The following CUL4B variants were observed in gnomAD, a reference collection of about 807,000 sequenced individuals.
The protein encoded by CUL4B is cullin-4B.
A neutral mutation model predicts 69.2 loss-of-function variants in CUL4B; 1 was observed. That is an observed-to-expected ratio of 0.01 (90% CI 0.01 to 0.07). CUL4B has a LOEUF of 0.07. CUL4B is among the 10% of genes least tolerant of loss of function. The pLI, the probability that CUL4B is intolerant of heterozygous loss-of-function variation, is 1.00. For missense variants in CUL4B, 328 were observed against 638.8 expected (o/e 0.51, Z 5.24); for synonymous variants, 237 against 223.2 (o/e 1.06, Z -0.55).
chrX:120,527,034 A>T (rs1226007726), intron 19 of CUL4B, among the ~76,000 whole-genome samples, 178 bp from the exon 20 acceptor site: 1 of 112,069 alleles, frequency 8.9e-6, no homozygotes, highest in Admixed American at 9.5e-5. Flanking sequence ...AAACCAGGTT[A>T]AAAAATGTTT....
intron 1 of CUL4B, 133 bp downstream of exon 1, chrX:120,559,945 ACCTCC>A: frequency 8.9e-7 from 1 of 1,121,765 alleles, no homozygotes; most frequent in Non-Finnish European, 1.2e-6. Context: ...CCAAAAAAGG[ACCTCC>A]CCTCCACCTC....
chrX:120,535,710 A>C, intron 16 of CUL4B, 120 bp downstream of exon 16: 2 of 348,949 alleles, frequency 5.7e-6, no homozygotes, highest in Non-Finnish European at 9.9e-6. Flanking sequence ...GTCTCAAAAA[A>C]AAAAAAAAAA....
chrX:120,536,180 C>A (rs1923659793), intron 15 of CUL4B, among the ~76,000 whole-genome samples: 1 of 113,027 alleles, frequency 8.8e-6, no homozygotes, highest in African/African-American at 3.2e-5. Context: ...TTGAAACATT[C>A]ACCTGCAGCA....
Position 120,528,701 on chromosome X carries a change from A to G in CUL4B, c.2592+1401T>C, listed in dbSNP as rs1417728939. ...ATGCCACTGCACTCCAGCCTGGATG[A>G]CAGAGCGAGACTCCATCTCAAAAAA... On this transcript the variant is annotated intron_variant, in intron 19 of 19. Transcript: ENST00000371322. Among the ~76,000 whole-genome samples the G allele has an allele frequency of 5.4e-5, 6 of 111,439 alleles. No individual in the cohort carries two copies. The East Asian group carries it at 1.4e-3, about 26-fold the overall frequency.
chrX:120,562,707 C>G (rs768408727), upstream of CUL4B, among the ~76,000 whole-genome samples: 1 of 111,108 alleles, frequency 9.0e-6, no homozygotes, highest in Non-Finnish European at 1.9e-5. Flanking sequence ...TTCTGGGGAA[C>G]GGAAACAAGG....
At chrX:120,561,091 C>G, upstream of CUL4B, 1 of 1,022,385 alleles carries the variant, frequency 9.8e-7, no homozygotes. Context: ...AAAGATGGCG[C>G]CATTTCCGGT....
rs185869258 is a variant in CUL4B at position 120,544,723 on chromosome X, T to C, written c.921-80A>G. 6 of 844,388 alleles carry C rather than the reference T, an allele frequency of 7.1e-6. No homozygotes were observed. The Admixed American group carries it at 1.4e-4, about 20-fold the overall frequency. 69.6% of individuals were successfully genotyped at this position (844,388 alleles called of 1,213,427 possible). A position where few individuals can be genotyped will look rare whatever the true frequency, so the allele number is the denominator to read the frequency against. ...GGTTTGCTTAACTTCTTACCACATGTTCCCATGCTAATTAGGGCTCCAGGG... is the reference window on the plus strand; with the variant it reads ...GGTTTGCTTAACTTCTTACCACATGCTCCCATGCTAATTAGGGCTCCAGGG... On this transcript the variant is annotated intron_variant, in intron 5 of 19. Coordinates refer to ENST00000371322, the MANE Select transcript of CUL4B (RefSeq NM_001079872.2).
At chrX:120,534,754 G>A (rs1303045421) in intron 16 of CUL4B, among the ~76,000 whole-genome samples, 168 bp from the exon 17 acceptor site, 1 of 111,414 alleles carries the variant, frequency 9.0e-6, no homozygotes, top group Non-Finnish European at 1.9e-5. Flanking sequence ...GTGAGGTTTA[G>A]GTGTGACCCT....
chrX:120,542,985 T>A lies in CUL4B; in HGVS notation c.1305A>T (p.Leu435Phe), dbSNP rs886043694. The A allele has an allele frequency of 2.4e-5, 29 of 1,198,307 alleles. No individual in the cohort carries two copies. Among genetic ancestry groups the A allele is most frequent in the Non-Finnish European group, 3.3e-5 (29 of 885,746 alleles). ...TVEKQLLGEHLTAILQKGLNN... is the reference protein window; with the variant it reads ...TVEKQLLGEHFTAILQKGLNN... The stretch of plus-strand genomic sequence containing the variant: ...AATTACCTTTCTGAAGAATTGCTGT[T>A]AAGTGTTCACCTAGAAGTTGTTTTT... The change falls in exon 9 of 20, where the codon TTA becomes TTT. Residue 435 changes from leucine to phenylalanine, a missense_variant. By Grantham distance (22) the Leu-to-Phe change is conservative. Coordinates refer to ENST00000371322, the MANE Select transcript of CUL4B (RefSeq NM_001079872.2).
Position 120,524,462 on chromosome X carries a change from T to C in CUL4B, c.*2299A>G, listed in dbSNP as rs748591748. The stretch of plus-strand genomic sequence containing the variant: ...GCCCTCCCCCATACTCTTATAGCAT[T>C]ACCACAAAACCATTACAAAATTTTT... On this transcript the variant is annotated 3_prime_UTR_variant, in exon 20 of 20. Transcript: ENST00000371322. 4.5e-5 allele frequency: 5 copies of C among 111,703 alleles called. No individual in the cohort carries two copies. Among genetic ancestry groups the C allele is most frequent in the Non-Finnish European group, 9.4e-5 (5 of 53,089 alleles). The allele number at this position is 111,703 out of a possible 1,213,427, so 9.2% of individuals were successfully genotyped here.
chrX:120,533,543 C>T (rs971543726), intron 17 of CUL4B, among the ~76,000 whole-genome samples: 3 of 111,437 alleles, frequency 2.7e-5, no homozygotes, highest in African/African-American at 9.8e-5. Context: ...TTCCTACCTC[C>T]CAACCTCATC....
intron 1 of CUL4B, 32 bp downstream of exon 1, chrX:120,560,051 A>G (rs763751924): frequency 8.3e-7 from 1 of 1,211,462 alleles, no homozygotes; most frequent in Admixed American, 2.2e-5. Flanking sequence ...TCAAATCCTT[A>G]TTAGGTGATT....
Position 120,531,887 on chromosome X carries a change from G to C in CUL4B, c.2439+535C>G, listed in dbSNP as rs1923342189. Among the ~76,000 whole-genome samples, 3 of 111,159 alleles carry C rather than the reference G, an allele frequency of 2.7e-5. No individual in the cohort carries two copies. The South Asian group carries it at 1.1e-3, about 41-fold the overall frequency. ...TAAGACAGGCTCTCATATGCTGCTG[G>C]ACAGAGTATAAACTGGTCCAGCCTT... On this transcript the variant is annotated intron_variant, in intron 18 of 19. Coordinates refer to ENST00000371322, the MANE Select transcript of CUL4B (RefSeq NM_001079872.2).
chrX:120,534,308 T>C (rs1316324338), intron 17 of CUL4B, among the ~76,000 whole-genome samples, 173 bp downstream of exon 17: 1 of 106,798 alleles, frequency 9.4e-6, no homozygotes, highest in Non-Finnish European at 1.9e-5. Context: ...TGAGCCATGA[T>C]TGTACCACTG....
At chrX:120,544,327 T>C (rs1256622488) in intron 6 of CUL4B, 124 bp from the exon 7 acceptor site, 1 of 798,763 alleles carries the variant, frequency 1.3e-6, no homozygotes, top group African/African-American at 2.1e-5. Context: ...CCTTTTGTAG[T>C]TGAGAAGCAT....
At chrX:120,564,996 G>A (rs1925450194), upstream of CUL4B, among the ~76,000 whole-genome samples, 1 of 112,713 alleles carries the variant, frequency 8.9e-6, no homozygotes, top group African/African-American at 3.2e-5. Context: ...ATAAAGGTAA[G>A]TATATGTGTA....
Position 120,575,038 on chromosome X carries a change from G to C in CUL4B, c.-14+368C>G, listed in dbSNP as rs1042173005. Reference sequence around the variant, plus strand: ...ACTATCTCACTTATGATCTGAATCAGTCACAAATTTTCTTCTGTTCCTGCC... The same window carrying C: ...ACTATCTCACTTATGATCTGAATCACTCACAAATTTTCTTCTGTTCCTGCC... On this transcript the variant is annotated intron_variant, in intron 1 of 2. Transcript: ENST00000486604. Among the ~76,000 whole-genome samples the C allele has an allele frequency of 2.7e-5, 3 of 111,578 alleles. No homozygotes were observed. The South Asian group carries it at 1.1e-3, about 42-fold the overall frequency.
At position 120,526,406 on chromosome X, in the gene CUL4B, C is replaced by A; in HGVS notation, c.*355G>T. On this transcript the variant is annotated 3_prime_UTR_variant, in exon 20 of 20. Transcript: ENST00000371322. ...TAAATGACATTTTAAGCAAATAAAC[C>A]TTTTGCTTCATAATTAATGGTGTGT... 2 of 166,256 alleles carry A rather than the reference C, an allele frequency of 1.2e-5. No homozygotes were observed. Among genetic ancestry groups the A allele is most frequent in the Non-Finnish European group, 2.3e-5 (2 of 87,258 alleles). The allele number at this position is 166,256 out of a possible 1,213,427, so 13.7% of individuals were successfully genotyped here. A position where few individuals can be genotyped will look rare whatever the true frequency, so the allele number is the denominator to read the frequency against.
At chrX:120,555,241 C>G (rs1051924891) in intron 2 of CUL4B, among the ~76,000 whole-genome samples, 16 of 111,757 alleles carry the variant, frequency 1.4e-4, no homozygotes, top group Middle Eastern at 4.6e-3. Context: ...AAATCAAAAG[C>G]TCTGGAAAAA....
Sources: gnomAD v4.1 joint callset for allele counts (sites outside exome capture counted in the v4.1 genomes callset) on GRCh38, gnomAD v4.1.1 for gene constraint, MANE v1.5 for transcripts, NCBI Gene and HGNC (gene_info 2026-07-23, HGNC 2026-07-21) for gene names.